RABGAP1L: variants seen among roughly 807,000 people sequenced by gnomAD.
RABGAP1L encodes rab GTPase-activating protein 1-like.
In RABGAP1L, 63 loss-of-function variants were observed where a neutral mutation model predicts 137.7. The observed-to-expected ratio is 0.46, with a 90% CI of 0.37 to 0.56. The LOEUF is 0.56. Ranked by LOEUF, RABGAP1L falls within the 20% of genes least tolerant of loss-of-function variation. RABGAP1L has a pLI of 0.00. For missense variants in RABGAP1L, 1,095 were observed against 1,244.0 expected, an observed-to-expected ratio of 0.88 and a Z score of 1.80; for synonymous variants, 431 against 433.7, an observed-to-expected ratio of 0.99 and a Z score of 0.08.
rs59211362 is a variant in RABGAP1L, at chr1:174,827,678, A to ATT, written c.2340+15726_2340+15727dup. Among the ~76,000 whole-genome samples the ATT allele has an allele frequency of 2.4e-3, 340 of 143,712 alleles. 14 individuals are homozygous for ATT. The highest frequency in any genetic ancestry group is 5.2e-3 in the African/African-American group (206 of 39,542). 94.3% of individuals were successfully genotyped at this position (143,712 alleles called of 152,430 possible). On this transcript the variant is annotated intron_variant, in intron 19 of 25. Transcript: ENST00000681986. The stretch of plus-strand genomic sequence containing the variant: ...ACTCTCAGATGATCTAAAAGATCCT[A>ATT]TTTTTTTTTACAGCTCCACCCTCCA...
chr1:174,710,945 G>T (rs1680442842), intron 17 of RABGAP1L, among the ~76,000 whole-genome samples: 1 of 152,206 alleles, frequency 6.6e-6, no homozygotes, highest in Non-Finnish European at 1.5e-5. Context: ...GGAGGCTCAG[G>T]CTGCGCAGGA....
Position 174,974,083 on chromosome 1 carries a change from G to A in RABGAP1L, c.2545-1995G>A, listed in dbSNP as rs1024025789. Among the ~76,000 whole-genome samples, 17 of 148,512 alleles carry A rather than the reference G, an allele frequency of 1.1e-4. No individual in the cohort carries two copies. The Admixed American group carries it at 1.2e-3, about 10-fold the overall frequency. On this transcript the variant is annotated intron_variant, in intron 21 of 25. Coordinates refer to ENST00000681986, the MANE Select transcript of RABGAP1L (RefSeq NM_001366446.1). ...GGCTCACTGCAAGCTCCGCCTCCTG[G>A]TTTCACGCCATTCTCCTGCCTCAGC...
chr1:174,299,944 T>C (rs1399316862), intron 10 of RABGAP1L, among the ~76,000 whole-genome samples: 2 of 152,150 alleles, frequency 1.3e-5, no homozygotes, highest in African/African-American at 4.8e-5. Flanking sequence ...TGTCTGTGAG[T>C]AGCAAAATAC....
chr1:174,542,793 G>T (rs1055774867), intron 13 of RABGAP1L, among the ~76,000 whole-genome samples: 1 of 152,120 alleles, frequency 6.6e-6, no homozygotes, highest in Non-Finnish European at 1.5e-5. Context: ...GGTATGTTGT[G>T]TCTTTGTTCT....
intron 20 of RABGAP1L, among the ~76,000 whole-genome samples, chr1:174,968,324 T>C (rs1669825700): frequency 6.6e-6 from 1 of 152,234 alleles, no homozygotes; most frequent in South Asian, 2.1e-4. Context: ...ATGACATTAG[T>C]CTTTCCTGTC....
intron 13 of RABGAP1L, among the ~76,000 whole-genome samples, chr1:174,434,152 C>CACACACA (rs1652994776): frequency 5.5e-5 from 8 of 145,950 alleles, no homozygotes; most frequent in Non-Finnish European, 7.7e-5. Flanking sequence ...CACACACACA[C>CACACACA]CCTGCCTGGG....
chr1:174,523,935 G>GT (rs1321536043), intron 13 of RABGAP1L, among the ~76,000 whole-genome samples: 1 of 152,124 alleles, frequency 6.6e-6, no homozygotes, highest in Non-Finnish European at 1.5e-5. Context: ...ATGACCTCCT[G>GT]TTACAATCAC....
At chr1:174,965,571 C>T (rs534203737) in intron 20 of RABGAP1L, among the ~76,000 whole-genome samples, 18 of 152,332 alleles carry the variant, frequency 1.2e-4, no homozygotes, top group African/African-American at 4.3e-4. Context: ...AATATAAGCT[C>T]TGTTTAGCCC....
intron 19 of RABGAP1L, among the ~76,000 whole-genome samples, chr1:174,917,455 T>C (rs1179093846): frequency 6.6e-6 from 1 of 152,218 alleles, no homozygotes; most frequent in African/African-American, 2.4e-5. Flanking sequence ...AGACTGCCTT[T>C]AGTGAGATTT....
intron 13 of RABGAP1L, chr1:174,544,705 TC>T (rs1665840608): frequency 6.6e-6 from 1 of 152,288 alleles, no homozygotes; most frequent in Non-Finnish European, 1.5e-5. Context: ...TTTTAGCTTT[TC>T]TGCTCTGGTT....
At chr1:174,444,086 G>A (rs1654463132) in intron 13 of RABGAP1L, among the ~76,000 whole-genome samples, 1 of 151,938 alleles carries the variant, frequency 6.6e-6, no homozygotes, top group Admixed American at 6.6e-5. Context: ...TAACTTTGTA[G>A]TGTATTTGGA....
intron 13 of RABGAP1L, among the ~76,000 whole-genome samples, chr1:174,409,422 TATAATTGTA>T (rs762710132): frequency 2.0e-5 from 3 of 152,162 alleles, no homozygotes; most frequent in Admixed American, 6.6e-5. Context: ...TCGGGAGCAC[TATAATTGTA>T]TGTAACTGTA....
chr1:174,677,417 C>G (rs1677723749), intron 14 of RABGAP1L, among the ~76,000 whole-genome samples: 1 of 152,204 alleles, frequency 6.6e-6, no homozygotes, highest in Admixed American at 6.5e-5. Flanking sequence ...CATAACACCT[C>G]TGTTACAAAT....
chr1:174,434,108 T>TACACACACACACACACACACACACACAC (rs35509787), intron 13 of RABGAP1L, among the ~76,000 whole-genome samples: 12 of 134,130 alleles, frequency 8.9e-5, no homozygotes, highest in African/African-American at 2.7e-4. Context: ...CGTGTACACA[T>TACACACACACACACACACACACACACAC]ACACACACAC....
chr1:174,934,436 T>G (rs977381199), intron 19 of RABGAP1L, among the ~76,000 whole-genome samples: 1 of 152,110 alleles, frequency 6.6e-6, no homozygotes, highest in Non-Finnish European at 1.5e-5. Flanking sequence ...GATGTAAGAA[T>G]GTACAGTTAA....
At chr1:174,543,996 A>T (rs914399798) in intron 13 of RABGAP1L, among the ~76,000 whole-genome samples, 1 of 152,178 alleles carries the variant, frequency 6.6e-6, no homozygotes, top group Non-Finnish European at 1.5e-5. Flanking sequence ...CTTTGTGGGT[A>T]ACTCGACCTT....
intron 13 of RABGAP1L, among the ~76,000 whole-genome samples, chr1:174,521,036 G>T (rs1663331257): frequency 1.3e-5 from 2 of 152,128 alleles, no homozygotes; most frequent in South Asian, 4.1e-4. Context: ...ACATATTGTG[G>T]TGATAACTAA....
chr1:174,967,581 C>T (rs935732465), intron 20 of RABGAP1L, among the ~76,000 whole-genome samples: 1 of 151,950 alleles, frequency 6.6e-6, no homozygotes, highest in Non-Finnish European at 1.5e-5. Flanking sequence ...TCAAGTGGTC[C>T]ACCCACCTCA....
At chr1:174,458,302 ACAGAAAAAAATTTTT>A (rs750498935) in intron 13 of RABGAP1L, among the ~76,000 whole-genome samples, 25 of 152,140 alleles carry the variant, frequency 1.6e-4, no homozygotes, top group Non-Finnish European at 2.9e-4. Context: ...TATTTACTTT[ACAGAAAAAAATTTTT>A]CAGAAAAAAA....
Sources: allele counts gnomAD v4.1 joint callset (sites outside exome capture counted in the v4.1 genomes callset), GRCh38; gene constraint gnomAD v4.1.1; transcripts MANE v1.5; gene names NCBI Gene and HGNC (gene_info 2026-07-23, HGNC 2026-07-21).